Variants in B3GAT2 observed in about 807,000 individuals in gnomAD.
B3GAT2 encodes beta-1,3-glucuronyltransferase 2, also known as galactosylgalactosylxylosylprotein 3-beta-glucuronosyltransferase 2.
B3GAT2 carries 26 observed loss-of-function variants against 27.8 expected under a neutral mutation model. The observed-to-expected ratio is 0.93, with a 90% CI of 0.68 to 1.30. B3GAT2 has a LOEUF of 1.30. Among genes scored for constraint, B3GAT2 ranks in the 50% most tolerant of loss-of-function variants. The pLI is 0.00. For missense variants in B3GAT2, 458 were observed against 459.0 expected (o/e 1.00, Z 0.02); for synonymous variants, 218 against 195.1 (o/e 1.12, Z -0.98).
chr6:70,924,387 T>TGGA (rs1772920343), intron 1 of B3GAT2, among the ~76,000 whole-genome samples: 1 of 152,200 alleles, frequency 6.6e-6, no homozygotes. Flanking sequence ...CCAATGATGT[T>TGGA]TTTTGCAGTA....
Position 70,956,309 on chromosome 6 carries a change from A to G in B3GAT2, c.121T>C (p.Ser41Pro), listed in dbSNP as rs1344226062. ...CCCCCGCGGCCCACCGCGTAGGGAG[A>G]GAAGTAGGGGCGCGGGGTGAGCGGG... The part of the protein sequence containing the change: ...VPPLTPRPYF[S>P]PYAVGRGGAR... The change falls in exon 1 of 4, where the codon TCT (serine) becomes CCT (proline). Residue 41 changes from serine to proline, a missense_variant. By Grantham distance (74) the Ser-to-Pro change is moderately conservative. Coordinates refer to ENST00000230053, the MANE Select transcript of B3GAT2 (RefSeq NM_080742.3). The G allele has an allele frequency of 6.3e-7, 1 of 1,596,028 alleles. No homozygotes were observed. Among genetic ancestry groups the G allele is most frequent in the African/African-American group, 1.3e-5 (1 of 74,604 alleles).
At chr6:70,919,777 C>T (rs1562228886) in intron 1 of B3GAT2, among the ~76,000 whole-genome samples, 1 of 152,140 alleles carries the variant, frequency 6.6e-6, no homozygotes, top group Non-Finnish European at 1.5e-5. Context: ...AAGCTTCGTC[C>T]TAGAGGGGCA....
chr6:70,887,224 G>A (rs564576931), intron 2 of B3GAT2, among the ~76,000 whole-genome samples: 9 of 152,172 alleles, frequency 5.9e-5, no homozygotes, highest in Admixed American at 5.2e-4. Flanking sequence ...CATCTGATCC[G>A]GGCTGGGCTG....
chr6:70,935,431 G>A (rs1354626823), intron 1 of B3GAT2, among the ~76,000 whole-genome samples: 1 of 151,648 alleles, frequency 6.6e-6, no homozygotes, highest in Non-Finnish European at 1.5e-5. Context: ...TCCAGTCTGG[G>A]CAACAGAGAG....
At chr6:70,931,802 A>C (rs1277399081) in intron 1 of B3GAT2, among the ~76,000 whole-genome samples, 3 of 152,220 alleles carry the variant, frequency 2.0e-5, no homozygotes, top group African/African-American at 7.2e-5. Context: ...ATTATATTTC[A>C]TCAAAAATAA....
intron 2 of B3GAT2, among the ~76,000 whole-genome samples, chr6:70,872,450 TA>T (rs1771952135): frequency 6.6e-6 from 1 of 151,794 alleles, no homozygotes; most frequent in Admixed American, 6.6e-5. Flanking sequence ...TGGTCTCTAG[TA>T]ACAGTTCGTC....
chr6:70,858,195 C>G lies in B3GAT2; in HGVS notation c.*3468G>C. On this transcript the variant is annotated 3_prime_UTR_variant, in exon 4 of 4. Transcript: ENST00000230053. ...GCACCCCAGAGTAAGTTTGGCCTGC[C>G]GCAAGCTCAGCAGCCCCAGTGGAGC... The G allele has an allele frequency of 6.2e-7, 1 of 1,613,554 alleles. No homozygotes were observed. Among genetic ancestry groups the G allele is most frequent in the Non-Finnish European group, 8.5e-7 (1 of 1,179,906 alleles).
intron 1 of B3GAT2, among the ~76,000 whole-genome samples, chr6:70,949,071 C>G (rs1765537423): frequency 6.6e-6 from 1 of 151,794 alleles, no homozygotes; most frequent in South Asian, 2.1e-4. Context: ...AAGATGGAAA[C>G]TTAAACGTTA....
intron 1 of B3GAT2, among the ~76,000 whole-genome samples, chr6:70,930,380 G>T (rs1641413974): frequency 6.6e-6 from 1 of 152,150 alleles, no homozygotes; most frequent in Admixed American, 6.6e-5. Flanking sequence ...CACAGCAAAA[G>T]AAACTACCAT....
In B3GAT2 at chr6:70,858,000, T is replaced by A. The variant is rs762900131; in HGVS notation, c.*3663A>T. The A allele has an allele frequency of 6.2e-7, 1 of 1,614,180 alleles. No homozygotes were observed. Among genetic ancestry groups the A allele is most frequent in the Non-Finnish European group, 8.5e-7 (1 of 1,180,012 alleles). The stretch of plus-strand genomic sequence containing the variant: ...TTTCAGGGCTTTCCATCGATGGGCG[T>A]GCCTGTGCCTGCAGCTCCTGGCCTT... On this transcript the variant is annotated 3_prime_UTR_variant, in exon 4 of 4. Transcript: ENST00000230053.
chr6:70,860,155 A>G lies in B3GAT2; in HGVS notation c.*1508T>C. ...GTGTGGCTAAAGAAACAAGAATTAAAAGTGAAGTAAGCCTCTTGAACTAAG... is the reference window on the plus strand; with the variant it reads ...GTGTGGCTAAAGAAACAAGAATTAAGAGTGAAGTAAGCCTCTTGAACTAAG... On this transcript the variant is annotated 3_prime_UTR_variant, in exon 4 of 4. Transcript: ENST00000230053. 1 of 1,532,772 alleles carries G rather than the reference A, an allele frequency of 6.5e-7. No individual in the cohort carries two copies. Among genetic ancestry groups the G allele is most frequent in the Non-Finnish European group, 8.8e-7 (1 of 1,140,878 alleles). 94.9% of individuals were successfully genotyped at this position (1,532,772 alleles called of 1,614,324 possible).
intron 1 of B3GAT2, among the ~76,000 whole-genome samples, chr6:70,914,760 C>CA (rs1554215650): frequency 6.6e-6 from 1 of 151,094 alleles, no homozygotes; most frequent in Middle Eastern, 3.2e-3. Context: ...AATTGAATAA[C>CA]TTTTTTTTTA....
chr6:70,925,596 G>A (rs1346471321), intron 1 of B3GAT2, among the ~76,000 whole-genome samples: 1 of 152,208 alleles, frequency 6.6e-6, no homozygotes, highest in African/African-American at 2.4e-5. Context: ...CAAGACTGGG[G>A]GAGGGGCGTC....
At chr6:70,867,849 C>T (rs1350484960) in intron 2 of B3GAT2, among the ~76,000 whole-genome samples, 1 of 152,054 alleles carries the variant, frequency 6.6e-6, no homozygotes, top group East Asian at 1.9e-4. Flanking sequence ...CAAAACCAGA[C>T]AAAAACATTA....
At chr6:70,920,450 T>A (rs1328971988) in intron 1 of B3GAT2, among the ~76,000 whole-genome samples, 3 of 152,100 alleles carry the variant, frequency 2.0e-5, no homozygotes, top group Non-Finnish European at 4.4e-5. Flanking sequence ...CCAATCCCAA[T>A]GAGATGAACC....
At chr6:70,887,598 G>C (rs1187771594) in intron 2 of B3GAT2, among the ~76,000 whole-genome samples, 1 of 152,178 alleles carries the variant, frequency 6.6e-6, no homozygotes, top group Admixed American at 6.5e-5. Flanking sequence ...TCTGCCTACA[G>C]GAAGGATGCA....
At chr6:70,880,613 C>A (rs1259838595) in intron 2 of B3GAT2, among the ~76,000 whole-genome samples, 1 of 151,188 alleles carries the variant, frequency 6.6e-6, no homozygotes, top group East Asian at 2.0e-4. Context: ...CTGAGCCTCC[C>A]AAGTAGCTAG....
At position 70,857,081 on chromosome 6, in the gene B3GAT2, T is replaced by G. The variant is rs1420743626; in HGVS notation, c.*4582A>C. The G allele has an allele frequency of 6.7e-7, 1 of 1,488,186 alleles. No individual in the cohort carries two copies. The highest frequency in any genetic ancestry group is 9.0e-7 in the Non-Finnish European group (1 of 1,106,412). The allele number at this position is 1,488,186 out of a possible 1,614,324, so 92.2% of individuals were successfully genotyped here. ...AGTGACATTACTAGAAGTACATCCT[T>G]TGTAATTATATAATAAGATCAATTA... On this transcript the variant is annotated 3_prime_UTR_variant, in exon 4 of 4. Transcript: ENST00000230053.
chr6:70,875,862 C>T (rs569859132), intron 2 of B3GAT2, among the ~76,000 whole-genome samples: 1 of 152,262 alleles, frequency 6.6e-6, no homozygotes, highest in African/African-American at 2.4e-5. Context: ...ATAAACAATT[C>T]ATTTAAATCT....
Sources: allele counts gnomAD v4.1 joint callset (sites outside exome capture counted in the v4.1 genomes callset), GRCh38; gene constraint gnomAD v4.1.1; transcripts MANE v1.5; gene names NCBI Gene and HGNC (gene_info 2026-07-23, HGNC 2026-07-21).